HRK: variants seen among roughly 807,000 people sequenced by gnomAD.
The protein encoded by HRK is activator of apoptosis harakiri.
In HRK, 6 loss-of-function variants were observed where a neutral mutation model predicts 5.9. The observed-to-expected ratio is 1.02, with a 90% CI of 0.56 to 2.01. The LOEUF (loss-of-function observed/expected upper bound fraction) is 2.01, where lower values mean the gene tolerates loss of function less well. Ranked by LOEUF, HRK falls within the 30% of genes most tolerant of loss-of-function variation. The probability of loss-of-function intolerance (pLI) is 0.00; values close to 1 mark genes in which losing one functional copy is unlikely to be tolerated. For missense variants in HRK, 133 were observed against 128.3 expected (o/e 1.04, Z -0.18); for synonymous variants, 85 against 65.1 (o/e 1.31, Z -1.47).
At chr12:116,874,940 T>C (rs981577942) in intron 1 of HRK, among the ~76,000 whole-genome samples, 1 of 152,158 alleles carries the variant, frequency 6.6e-6, no homozygotes, top group East Asian at 1.9e-4. Flanking sequence ...CCTGACCAAA[T>C]TCCTAACCCA....
intron 1 of HRK, among the ~76,000 whole-genome samples, chr12:116,875,453 A>G (rs1878893743): frequency 6.6e-6 from 1 of 152,136 alleles, no homozygotes. Flanking sequence ...TGCCCTATAC[A>G]CAGAAGGTAC....
chr12:116,872,970 A>G (rs559547308), intron 1 of HRK, among the ~76,000 whole-genome samples: 1 of 152,066 alleles, frequency 6.6e-6, no homozygotes, highest in African/African-American at 2.4e-5. Flanking sequence ...TCACATCACT[A>G]AAGGGTCAAA....
At chr12:116,880,626 C>A (rs1297951078) in intron 1 of HRK, among the ~76,000 whole-genome samples, 3 of 152,192 alleles carry the variant, frequency 2.0e-5, no homozygotes, top group African/African-American at 7.2e-5. Context: ...CTTACAACTA[C>A]ATTCCCATAG....
In HRK at chr12:116,871,603, CAAAA is replaced by C. The variant is rs148974119; in HGVS notation, c.*56+9369_*56+9372del. On this transcript the variant is annotated intron_variant, in intron 1 of 1. Coordinates refer to ENST00000257572, the MANE Select transcript of HRK (RefSeq NM_003806.4). ...ATAGGTGTGAGCCACCGTGCCCAGC[CAAAA>C]AAAAAAAAAAAAGTATTATTATTAT... 3.1e-3 allele frequency among the ~76,000 whole-genome samples: 420 copies of C among 137,284 alleles called. 1 individual carries two copies. The highest frequency in any genetic ancestry group is 7.4e-3 in the African/African-American group (273 of 37,094). 90.1% of individuals were successfully genotyped at this position (137,284 alleles called of 152,430 possible).
At chr12:116,872,954 A>G (rs1043042663) in intron 1 of HRK, among the ~76,000 whole-genome samples, 5 of 145,708 alleles carry the variant, frequency 3.4e-5, no homozygotes, top group South Asian at 2.2e-4. Flanking sequence ...AAAGAAGGAA[A>G]GAAAATCACA....
In HRK at chr12:116,862,797, T is replaced by C. The variant is rs921714192; in HGVS notation, c.*57-1331A>G. 2.6e-5 allele frequency among the ~76,000 whole-genome samples: 4 copies of C among 152,168 alleles called. No individual in the cohort carries two copies. Among genetic ancestry groups the C allele is most frequent in the Admixed American group, 2.6e-4 (4 of 15,274 alleles). On this transcript the variant is annotated intron_variant, in intron 1 of 1. Coordinates refer to ENST00000257572, the MANE Select transcript of HRK (RefSeq NM_003806.4). The surrounding 1 kb of genome is among the most constrained non-coding windows in gnomAD (Gnocchi z 4.0). ...CCCAGGCTGGAGTGCAGTGGTACGATCTCAGCTCACTGCAACCTCTGCCTC... is the reference window on the plus strand; with the variant it reads ...CCCAGGCTGGAGTGCAGTGGTACGACCTCAGCTCACTGCAACCTCTGCCTC...
rs918299539 is a variant in HRK, at chr12:116,881,337, C to T, written c.-30G>A. ...GCTGGCCTCGCTCCCGCCCCGCGCT[C>T]GGGCCGCCCCTCGCCTCCTCTCCCT... On this transcript the variant is annotated 5_prime_UTR_variant, in exon 1 of 2. Transcript: ENST00000257572. The T allele has an allele frequency of 8.5e-6, 9 of 1,055,760 alleles. No individual in the cohort carries two copies. The highest frequency in any genetic ancestry group is 1.7e-5 in the African/African-American group (1 of 58,634). 65.4% of individuals were successfully genotyped at this position (1,055,760 alleles called of 1,614,324 possible). A position where few individuals can be genotyped will look rare whatever the true frequency, so the allele number is the denominator to read the frequency against.
At chr12:116,880,886 C>G (rs1879118755) in intron 1 of HRK, 90 bp downstream of exon 1, 1 of 455,336 alleles carries the variant, frequency 2.2e-6, no homozygotes, top group Non-Finnish European at 3.5e-6. Context: ...AAGAAGAAAG[C>G]CAAACTTGCC....
rs548100571 is a variant in HRK at position 116,874,785 on chromosome 12, C to G, written c.*56+6191G>C. Among the ~76,000 whole-genome samples, 19 of 152,276 alleles carry G rather than the reference C, an allele frequency of 1.2e-4. No individual in the cohort carries two copies. The South Asian group carries it at 3.9e-3, about 32-fold the overall frequency. ...ATGCTGTGAGGAAGCCCAAGCCACA[C>G]GAAGAGGCTGAGTATAGCTGCTCCA... is the stretch of plus-strand genomic sequence containing the variant. On this transcript the variant is annotated intron_variant, in intron 1 of 1. Coordinates refer to ENST00000257572, the MANE Select transcript of HRK (RefSeq NM_003806.4).
At chr12:116,880,176 A>T (rs1212432370) in intron 1 of HRK, among the ~76,000 whole-genome samples, 1 of 152,184 alleles carries the variant, frequency 6.6e-6, no homozygotes, top group African/African-American at 2.4e-5. Flanking sequence ...AACAGTGCCC[A>T]GCACCCCGAA....
At chr12:116,871,661 C>A (rs1370891539) in intron 1 of HRK, among the ~76,000 whole-genome samples, 1 of 149,818 alleles carries the variant, frequency 6.7e-6, no homozygotes, top group African/African-American at 2.5e-5. Context: ...GGGTCTTGCT[C>A]TGTCGCCCAG....
chr12:116,867,191 G>A (rs1878578256), intron 1 of HRK, among the ~76,000 whole-genome samples: 1 of 151,618 alleles, frequency 6.6e-6, no homozygotes, highest in African/African-American at 2.4e-5. Flanking sequence ...GCCCAGGCTG[G>A]AGTGCAATAG....
chr12:116,869,948 TG>T (rs1878686309), intron 1 of HRK, among the ~76,000 whole-genome samples: 1 of 152,006 alleles, frequency 6.6e-6, no homozygotes, highest in Non-Finnish European at 1.5e-5. Flanking sequence ...GGCGTGGTGG[TG>T]GGCACCTGTA....
At chr12:116,867,174 A>G (rs1482087356) in intron 1 of HRK, among the ~76,000 whole-genome samples, 2 of 149,328 alleles carry the variant, frequency 1.3e-5, no homozygotes, top group African/African-American at 5.0e-5. Context: ...GGAGTTTCGC[A>G]ATTATTGCCC....
rs1489626802 is a variant in HRK at position 116,860,601 on chromosome 12, C to A, written c.*922G>T. The A allele has an allele frequency of 6.6e-6, 1 of 151,962 alleles. No homozygotes were observed. Among genetic ancestry groups the A allele is most frequent in the Non-Finnish European group, 1.5e-5 (1 of 68,022 alleles). The allele number at this position is 151,962 out of a possible 1,614,324, so 9.4% of individuals were successfully genotyped here. A position where few individuals can be genotyped will look rare whatever the true frequency, so the allele number is the denominator to read the frequency against. On this transcript the variant is annotated 3_prime_UTR_variant, in exon 2 of 2. Coordinates refer to ENST00000257572, the MANE Select transcript of HRK (RefSeq NM_003806.4). The stretch of plus-strand genomic sequence containing the variant: ...CTCATAACCAGCAAGCCTCTCAATG[C>A]CATCCTCCCTCCTAGACCCCAAGGT...
intron 1 of HRK, among the ~76,000 whole-genome samples, chr12:116,864,125 A>T (rs1357512523): frequency 5.9e-5 from 9 of 152,236 alleles, no homozygotes; most frequent in Non-Finnish European, 1.0e-4. Context: ...AATACATTCT[A>T]AATTTAGTTT....
intron 1 of HRK, among the ~76,000 whole-genome samples, chr12:116,865,104 C>T (rs115225677): frequency 2.0e-5 from 3 of 152,110 alleles, no homozygotes; most frequent in Admixed American, 1.3e-4. Flanking sequence ...GATGTTGTGC[C>T]GCTTTGGGTA....
chr12:116,879,361 C>T lies in HRK; in HGVS notation c.*56+1615G>A, dbSNP rs1355032903. On this transcript the variant is annotated intron_variant, in intron 1 of 1. Transcript: ENST00000257572. This position sits in a 1 kb window ranked among gnomAD's most constrained non-coding sequence, Gnocchi z 5.6. ...CCAAACTTCTTGTCCCTCCCCATCTCGTCGCTTGTTTTTTCTCTTCCTCTT... is the reference window on the plus strand; with the variant it reads ...CCAAACTTCTTGTCCCTCCCCATCTTGTCGCTTGTTTTTTCTCTTCCTCTT... 1 of 152,328 alleles carries T rather than the reference C, an allele frequency of 6.6e-6. No individual in the cohort carries two copies. Among genetic ancestry groups the T allele is most frequent in the African/African-American group, 2.4e-5 (1 of 41,466 alleles). 9.4% of individuals were successfully genotyped at this position (152,328 alleles called of 1,614,324 possible).
Position 116,860,798 on chromosome 12 carries a change from C to T in HRK, c.*725G>A, listed in dbSNP as rs1405760293. ...CAAGTCTGTCAACAGAATACCACAG[C>T]AGCACCAGCAGGAACGCACTTAGCA... is the stretch of plus-strand genomic sequence containing the variant. On this transcript the variant is annotated 3_prime_UTR_variant, in exon 2 of 2. Transcript: ENST00000257572. The T allele has an allele frequency of 6.6e-6, 1 of 152,024 alleles. No individual in the cohort carries two copies. Among genetic ancestry groups the T allele is most frequent in the Non-Finnish European group, 1.5e-5 (1 of 68,026 alleles). The allele number at this position is 152,024 out of a possible 1,614,324, so 9.4% of individuals were successfully genotyped here. A position where few individuals can be genotyped will look rare whatever the true frequency, so the allele number is the denominator to read the frequency against.
Sources: gnomAD v4.1 joint callset for allele counts (sites outside exome capture counted in the v4.1 genomes callset) on GRCh38, gnomAD v4.1.1 for gene constraint, Gnocchi (gnomAD v3.1) non-coding constraint, MANE v1.5 for transcripts, NCBI Gene and HGNC (gene_info 2026-07-23, HGNC 2026-07-21) for gene names.